PPM1E: variants seen among roughly 807,000 people sequenced by gnomAD.
The protein encoded by PPM1E is protein phosphatase, Mg2+/Mn2+ dependent 1E.
PPM1E carries 20 observed loss-of-function variants against 65.9 expected under a neutral mutation model. The observed-to-expected ratio is 0.30, with a 90% CI of 0.21 to 0.44. PPM1E has a LOEUF of 0.44. PPM1E is among the 20% of genes least tolerant of loss of function. The probability of loss-of-function intolerance (pLI) is 1.00; values close to 1 mark genes in which losing one functional copy is unlikely to be tolerated. For missense variants in PPM1E, 713 were observed against 953.1 expected (o/e 0.75, Z 3.32); for synonymous variants, 352 against 374.9 (o/e 0.94, Z 0.70).
At chr17:58,924,092 T>TA in intron 1 of PPM1E, among the ~76,000 whole-genome samples, 1 of 151,650 alleles carries the variant, frequency 6.6e-6, no homozygotes, top group East Asian at 2.0e-4. Context: ...CTAATTTTTG[T>TA]ATTTTTTAGT....
At chr17:58,918,405 T>C (rs1487205029) in intron 1 of PPM1E, among the ~76,000 whole-genome samples, 7 of 152,348 alleles carry the variant, frequency 4.6e-5, no homozygotes, top group Non-Finnish European at 1.0e-4. Flanking sequence ...TCCTCTTTCA[T>C]ATAAGACTAA....
chr17:58,972,258 C>T lies in PPM1E; in HGVS notation c.1099C>T (p.His367Tyr). The change falls in exon 5 of 7, where the codon CAC becomes TAC. Residue 367 changes from histidine to tyrosine, a missense_variant. Physicochemically the swap from His to Tyr is moderately conservative, Grantham distance 83. Transcript: ENST00000308249. ...KGQAVELMKP[H>Y]KPDREDEKQR... Reference sequence around the variant, plus strand: ...CCAAGCTGTTGAACTAATGAAGCCACACAAACCAGACAGAGAGGTAAGTAT... The same window carrying T: ...CCAAGCTGTTGAACTAATGAAGCCATACAAACCAGACAGAGAGGTAAGTAT... 1 of 1,613,948 alleles carries T rather than the reference C, an allele frequency of 6.2e-7. No homozygotes were observed. The highest frequency in any genetic ancestry group is 8.5e-7 in the Non-Finnish European group (1 of 1,179,918).
chr17:58,969,936 C>G (rs1371610043), intron 4 of PPM1E, among the ~76,000 whole-genome samples: 1 of 152,158 alleles, frequency 6.6e-6, no homozygotes, highest in Non-Finnish European at 1.5e-5. Context: ...TATAGAAAAT[C>G]TCAAGCTGTA....
chr17:58,859,686 G>C (rs1023173518), intron 1 of PPM1E, among the ~76,000 whole-genome samples: 1 of 152,198 alleles, frequency 6.6e-6, no homozygotes, highest in Non-Finnish European at 1.5e-5. Context: ...TTTCAGTTGT[G>C]TGTTGACTCC....
rs547734344 is a variant in PPM1E at position 58,983,637 on chromosome 17, T to C, written c.*2606T>C. On this transcript the variant is annotated 3_prime_UTR_variant, in exon 7 of 7. Coordinates refer to ENST00000308249, the MANE Select transcript of PPM1E (RefSeq NM_014906.5). ...TTAGACAGATATAAAAGTATCTATA[T>C]AATATCTATAAACTGTTAATGCTGA... is the stretch of plus-strand genomic sequence containing the variant. 1 of 152,770 alleles carries C rather than the reference T, an allele frequency of 6.5e-6. No individual in the cohort carries two copies. Among genetic ancestry groups the C allele is most frequent in the Admixed American group, 6.5e-5 (1 of 15,298 alleles). 9.5% of individuals were successfully genotyped at this position (152,770 alleles called of 1,614,324 possible).
intron 4 of PPM1E, among the ~76,000 whole-genome samples, chr17:58,970,425 G>A (rs2030525895): frequency 6.6e-6 from 1 of 151,790 alleles, no homozygotes; most frequent in Non-Finnish European, 1.5e-5. Context: ...TTTTAACTGG[G>A]GACGAATAAA....
At chr17:58,827,243 T>A (rs2050547623) in intron 1 of PPM1E, among the ~76,000 whole-genome samples, 1 of 147,640 alleles carries the variant, frequency 6.8e-6, no homozygotes, top group African/African-American at 2.5e-5. Flanking sequence ...GTTCAAGCGA[T>A]TCTCCTGCCG....
intron 1 of PPM1E, among the ~76,000 whole-genome samples, chr17:58,931,176 C>G (rs1337403945): frequency 7.2e-5 from 11 of 151,840 alleles, no homozygotes; most frequent in Admixed American, 7.2e-4. Flanking sequence ...CACCTGAGGT[C>G]GGGAGTTCGA....
At chr17:58,813,823 A>G (rs963953230) in intron 1 of PPM1E, among the ~76,000 whole-genome samples, 2 of 152,192 alleles carry the variant, frequency 1.3e-5, no homozygotes, top group African/African-American at 2.4e-5. Flanking sequence ...AAGTAGACAT[A>G]TGTACTGGAG....
At chr17:58,860,133 G>T (rs1350831893) in intron 1 of PPM1E, among the ~76,000 whole-genome samples, 1 of 152,172 alleles carries the variant, frequency 6.6e-6, no homozygotes, top group African/African-American at 2.4e-5. Context: ...GTGGCAGAAA[G>T]ATGGAAACTA....
intron 1 of PPM1E, among the ~76,000 whole-genome samples, chr17:58,818,776 C>T (rs1014000147): frequency 6.6e-6 from 1 of 152,138 alleles, no homozygotes; most frequent in Non-Finnish European, 1.5e-5. Flanking sequence ...GGAAAAATCT[C>T]TTTATGTAAA....
chr17:58,820,062 G>A (rs942222469), intron 1 of PPM1E, among the ~76,000 whole-genome samples: 2 of 151,752 alleles, frequency 1.3e-5, no homozygotes, highest in African/African-American at 4.8e-5. Context: ...AAATAAATAA[G>A]ATAAATAAAT....
chr17:58,957,626 G>A (rs1373703573), intron 2 of PPM1E, among the ~76,000 whole-genome samples: 2 of 151,986 alleles, frequency 1.3e-5, no homozygotes, highest in African/African-American at 4.8e-5. Context: ...AGTAGGAAAT[G>A]AGCATACTGA....
intron 1 of PPM1E, among the ~76,000 whole-genome samples, chr17:58,879,839 C>G (rs2051173226): frequency 6.6e-6 from 1 of 152,120 alleles, no homozygotes; most frequent in Non-Finnish European, 1.5e-5. Flanking sequence ...TGGGCTTCAA[C>G]TTTATTCCCA....
chr17:58,979,226 T>C (rs2031216388), intron 6 of PPM1E, among the ~76,000 whole-genome samples: 1 of 152,190 alleles, frequency 6.6e-6, no homozygotes, highest in South Asian at 2.1e-4. Flanking sequence ...ATATGAAGAA[T>C]ATGGCAGTCT....
intron 1 of PPM1E, among the ~76,000 whole-genome samples, chr17:58,937,092 C>G (rs1195928671): frequency 6.0e-5 from 9 of 149,108 alleles, no homozygotes; most frequent in Admixed American, 4.7e-4. Context: ...GTCAGGAGAT[C>G]GAGACCACGG....
intron 1 of PPM1E, among the ~76,000 whole-genome samples, chr17:58,867,486 G>A (rs2051018685): frequency 6.6e-6 from 1 of 152,170 alleles, no homozygotes; most frequent in African/African-American, 2.4e-5. Flanking sequence ...CAAAACTACA[G>A]CTCTTACTCC....
chr17:58,841,186 A>G (rs1003812157), intron 1 of PPM1E, among the ~76,000 whole-genome samples: 1 of 152,234 alleles, frequency 6.6e-6, no homozygotes, highest in African/African-American at 2.4e-5. Flanking sequence ...GAATAGACAA[A>G]TCTTTCCATA....
At chr17:58,925,475 C>G (rs925291274) in intron 1 of PPM1E, among the ~76,000 whole-genome samples, 1 of 152,034 alleles carries the variant, frequency 6.6e-6, no homozygotes, top group African/African-American at 2.4e-5. Context: ...GAGTCTCGCT[C>G]TGTCACCCAG....
Sources: gnomAD v4.1 joint callset for allele counts (sites outside exome capture counted in the v4.1 genomes callset) on GRCh38, gnomAD v4.1.1 for gene constraint, MANE v1.5 for transcripts, NCBI Gene and HGNC (gene_info 2026-07-23, HGNC 2026-07-21) for gene names.